Variants in FOXO1 observed in about 807,000 individuals in gnomAD.
FOXO1 encodes the protein forkhead box O1, also known as forkhead box protein O1.
A neutral mutation model predicts 44.1 loss-of-function variants in FOXO1; 6 were observed. The observed-to-expected ratio is 0.14, with a 90% CI of 0.07 to 0.27. The LOEUF (loss-of-function observed/expected upper bound fraction) is 0.27. FOXO1 is among the 10% of genes least tolerant of loss of function. The pLI is 1.00. For synonymous variants in FOXO1, 380 were observed against 362.7 expected, an observed-to-expected ratio of 1.05 and a Z score of -0.54; for missense variants, 737 against 888.8, an observed-to-expected ratio of 0.83 and a Z score of 2.17.
In FOXO1 at chr13:40,560,884, G is replaced by A. The variant is rs779621427; in HGVS notation, c.631-24C>T. The A allele has an allele frequency of 1.1e-5, 18 of 1,573,648 alleles. No homozygotes were observed. The highest frequency in any genetic ancestry group is 1.7e-4 in the Middle Eastern group (1 of 5,868). Reference sequence around the variant, plus strand: ...TTCTGTAAGGCAAAACATCTTATTAGAAGTACAATACTTCTCTGCTTGCAA... The same window carrying A: ...TTCTGTAAGGCAAAACATCTTATTAAAAGTACAATACTTCTCTGCTTGCAA... On this transcript the variant is annotated intron_variant, in intron 1 of 2. Transcript: ENST00000379561. This position sits in a 1 kb window ranked among gnomAD's most constrained non-coding sequence, Gnocchi z 5.1.
chr13:40,587,176 G>A (rs1423696737), intron 1 of FOXO1, among the ~76,000 whole-genome samples: 1 of 151,582 alleles, frequency 6.6e-6, no homozygotes, highest in African/African-American at 2.4e-5. Flanking sequence ...AGTCAGAAGG[G>A]CTCATTATTC....
chr13:40,618,778 A>T, intron 1 of FOXO1: 1 of 509,614 alleles, frequency 2.0e-6, no homozygotes, highest in Non-Finnish European at 3.9e-6. Context: ...GGTGGTGACG[A>T]AACCTTATCT....
intron 1 of FOXO1, among the ~76,000 whole-genome samples, chr13:40,627,962 C>T (rs1876839242): frequency 6.6e-6 from 1 of 152,116 alleles, no homozygotes; most frequent in South Asian, 2.1e-4. Flanking sequence ...CAGCATCACT[C>T]ATAAAAGCTA....
intron 1 of FOXO1, chr13:40,619,532 C>A: frequency 2.9e-6 from 4 of 1,364,108 alleles, no homozygotes; most frequent in Non-Finnish European, 4.2e-6. Context: ...AATAGAGGAT[C>A]TGAAATTCAT....
intron 1 of FOXO1, among the ~76,000 whole-genome samples, chr13:40,629,450 T>C (rs1297545730): frequency 6.6e-6 from 1 of 152,234 alleles, no homozygotes; most frequent in Non-Finnish European, 1.5e-5. Context: ...CCAAACAACA[T>C]GACTTTTGAA....
chr13:40,561,748 C>T (rs529515779), intron 1 of FOXO1, among the ~76,000 whole-genome samples: 4 of 152,180 alleles, frequency 2.6e-5, no homozygotes, highest in Admixed American at 6.5e-5. Context: ...GCAGGCAGAT[C>T]ACCTGAGGTC....
At position 40,558,725 on chromosome 13, in the gene FOXO1, T is replaced by C. The variant is rs575145761; in HGVS notation, c.*324A>G. ...GTATCTACTGCTTATATACAAAACTTGAAAGCACACCAGGATCTGAAAATC... is the reference window on the plus strand; with the variant it reads ...GTATCTACTGCTTATATACAAAACTCGAAAGCACACCAGGATCTGAAAATC... On this transcript the variant is annotated 3_prime_UTR_variant, in exon 3 of 3. Transcript: ENST00000379561. The C allele has an allele frequency of 1.0e-5, 4 of 398,262 alleles. No individual in the cohort carries two copies. The highest frequency in any genetic ancestry group is 6.2e-5 in the African/African-American group (3 of 48,722). The allele number at this position is 398,262 out of a possible 1,614,324, so 24.7% of individuals were successfully genotyped here. A position where few individuals can be genotyped will look rare whatever the true frequency, so the allele number is the denominator to read the frequency against.
At chr13:40,615,262 C>A (rs539984254) in intron 1 of FOXO1, among the ~76,000 whole-genome samples, 1 of 152,168 alleles carries the variant, frequency 6.6e-6, no homozygotes, top group East Asian at 1.9e-4. Context: ...GGGGGCCAGA[C>A]GCAGTGGCTC....
At chr13:40,585,395 T>G (rs1326836872) in intron 1 of FOXO1, among the ~76,000 whole-genome samples, 2 of 150,390 alleles carry the variant, frequency 1.3e-5, no homozygotes, top group Non-Finnish European at 2.9e-5. Context: ...AATGGAGTTT[T>G]GAAAAGATTA....
intron 1 of FOXO1, among the ~76,000 whole-genome samples, chr13:40,567,497 G>A (rs1262513183): frequency 6.6e-6 from 1 of 152,050 alleles, no homozygotes; most frequent in Non-Finnish European, 1.5e-5. Context: ...GCAAAGCTCT[G>A]TGATTCTACC....
rs1873724686 is a variant in FOXO1 at position 40,555,836 on chromosome 13, A to G, written c.*3213T>C. ...AGATTGTTCTTGTGTCTGTAAGTAC[A>G]TCAACATCAGGCACTTCTCAGAGTA... On this transcript the variant is annotated 3_prime_UTR_variant, in exon 3 of 3. Coordinates refer to ENST00000379561, the MANE Select transcript of FOXO1 (RefSeq NM_002015.4). 6.5e-6 allele frequency: 1 copy of G among 152,692 alleles called. No homozygotes were observed. Among genetic ancestry groups the G allele is most frequent in the African/African-American group, 2.4e-5 (1 of 41,460 alleles). 9.5% of individuals were successfully genotyped at this position (152,692 alleles called of 1,614,324 possible).
chr13:40,653,135 A>G (rs1042112986), intron 1 of FOXO1, among the ~76,000 whole-genome samples: 3 of 151,854 alleles, frequency 2.0e-5, no homozygotes, highest in African/African-American at 7.3e-5. Context: ...ACGCCTGGCT[A>G]ATTTTTGTGT....
intron 1 of FOXO1, among the ~76,000 whole-genome samples, chr13:40,566,954 G>A (rs1162269063): frequency 6.6e-6 from 1 of 152,064 alleles, no homozygotes. Flanking sequence ...GTTGAAAAAA[G>A]AGACCTGGTC....
chr13:40,629,227 C>T (rs1001259828), intron 1 of FOXO1, among the ~76,000 whole-genome samples: 4 of 152,054 alleles, frequency 2.6e-5, no homozygotes, highest in African/African-American at 9.7e-5. Flanking sequence ...ACTGCAACCT[C>T]CGCCTCCCGG....
chr13:40,584,781 C>T (rs967172996), intron 1 of FOXO1, among the ~76,000 whole-genome samples: 4 of 152,132 alleles, frequency 2.6e-5, no homozygotes, highest in East Asian at 1.9e-4. Context: ...ACCGAATAAG[C>T]GAGTAGTTAT....
chr13:40,599,205 G>A (rs1231636478), intron 1 of FOXO1, among the ~76,000 whole-genome samples: 45 of 143,272 alleles, frequency 3.1e-4, no homozygotes, highest in Non-Finnish European at 2.6e-4. Context: ...AAAGTCAAGT[G>A]AAAAACACGC....
chr13:40,613,679 A>G (rs530477357), intron 1 of FOXO1, among the ~76,000 whole-genome samples: 2 of 152,344 alleles, frequency 1.3e-5, no homozygotes, highest in South Asian at 2.1e-4. Context: ...CGGCGTCAGC[A>G]TGTGCATTTG....
chr13:40,600,110 A>C lies in FOXO1; in HGVS notation c.631-39250T>G, dbSNP rs993987654. On this transcript the variant is annotated intron_variant, in intron 1 of 2. Coordinates refer to ENST00000379561, the MANE Select transcript of FOXO1 (RefSeq NM_002015.4). The stretch of plus-strand genomic sequence containing the variant: ...GCGCTGAAAACTATCCTCACCTAAA[A>C]AATTATGGTAAGTGCTATTCAAAAC... Among the ~76,000 whole-genome samples the C allele has an allele frequency of 7.9e-5, 12 of 152,312 alleles. No individual in the cohort carries two copies. The East Asian group carries it at 2.3e-3, about 29-fold the overall frequency.
At chr13:40,664,837 G>C (rs1481081247) in intron 1 of FOXO1, among the ~76,000 whole-genome samples, 4 of 151,290 alleles carry the variant, frequency 2.6e-5, no homozygotes, top group South Asian at 2.1e-4. Flanking sequence ...GCCACCGCCC[G>C]CGCCCGCCCC....
Sources: allele counts gnomAD v4.1 joint callset (sites outside exome capture counted in the v4.1 genomes callset), GRCh38; gene constraint gnomAD v4.1.1; non-coding constraint Gnocchi (gnomAD v3.1); transcripts MANE v1.5; gene names NCBI Gene and HGNC (gene_info 2026-07-23, HGNC 2026-07-21).